Variants in ETFBKMT observed in about 807,000 individuals in gnomAD.
ETFBKMT encodes electron transfer flavoprotein subunit beta lysine methyltransferase.
ETFBKMT carries 13 observed loss-of-function variants against 18.3 expected under a neutral mutation model. The ratio of observed to expected loss-of-function variants is 0.71; its 90% CI spans 0.46 to 1.13. The LOEUF (loss-of-function observed/expected upper bound fraction) is 1.13, where lower values mean the gene tolerates loss of function less well. Among genes scored for constraint, ETFBKMT ranks in the 50% most tolerant of loss-of-function variants. The pLI, the probability that ETFBKMT is intolerant of heterozygous loss-of-function variation, is 0.00. For synonymous variants in ETFBKMT, 84 were observed against 107.9 expected (o/e 0.78, Z 1.37); for missense variants, 293 against 306.2 (o/e 0.96, Z 0.32).
At chr12:31,664,719 C>T (rs1361933206) in intron 2 of ETFBKMT, among the ~76,000 whole-genome samples, 1 of 149,344 alleles carries the variant, frequency 6.7e-6, no homozygotes, top group African/African-American at 2.5e-5. Flanking sequence ...CGGGTTCAAA[C>T]GATTCTCTGC....
At chr12:31,663,949 T>C (rs1951162544) in intron 2 of ETFBKMT, among the ~76,000 whole-genome samples, 1 of 152,004 alleles carries the variant, frequency 6.6e-6, no homozygotes, top group South Asian at 2.1e-4. Context: ...CTGCAACCCC[T>C]TTCCACTTAT....
intron 2 of ETFBKMT, among the ~76,000 whole-genome samples, chr12:31,664,066 G>T (rs1951163695): frequency 6.6e-6 from 1 of 150,376 alleles, no homozygotes. Context: ...CTTTGCTTTT[G>T]GTATTGCTTC....
Position 31,668,012 on chromosome 12 carries a change from A to G in ETFBKMT, c.*22A>G, listed in dbSNP as rs1951221047. The G allele has an allele frequency of 3.8e-6, 6 of 1,588,672 alleles. No individual in the cohort carries two copies. Among genetic ancestry groups the G allele is most frequent in the Non-Finnish European group, 5.2e-6 (6 of 1,161,302 alleles). ...TTGAGTTGTCAAAGTGCTTCCAAGTATGAATATAGTAATGTTTGGATCTGA... is the reference window on the plus strand; with the variant it reads ...TTGAGTTGTCAAAGTGCTTCCAAGTGTGAATATAGTAATGTTTGGATCTGA... On this transcript the variant is annotated 3_prime_UTR_variant, in exon 4 of 4. Transcript: ENST00000357721.
At chr12:31,658,068 T>A (rs1951077570), upstream of ETFBKMT, among the ~76,000 whole-genome samples, 1 of 152,164 alleles carries the variant, frequency 6.6e-6, no homozygotes, top group Non-Finnish European at 1.5e-5. Flanking sequence ...CCCTCTTTTG[T>A]AAAAATGTTA....
chr12:31,664,206 C>T (rs1951164706), intron 2 of ETFBKMT, among the ~76,000 whole-genome samples: 1 of 151,826 alleles, frequency 6.6e-6, no homozygotes, highest in African/African-American at 2.4e-5. Context: ...GTTATTTCAG[C>T]GTTTCTCCAT....
chr12:31,647,761 G>A (rs1950980948), intron 1 of ETFBKMT, among the ~76,000 whole-genome samples: 1 of 152,210 alleles, frequency 6.6e-6, no homozygotes, highest in Admixed American at 6.5e-5. Flanking sequence ...CCCGGGAGGC[G>A]AAGGTTGCAG....
At chr12:31,651,177 C>A (rs1185851899) in intron 1 of ETFBKMT, among the ~76,000 whole-genome samples, 1 of 152,116 alleles carries the variant, frequency 6.6e-6, no homozygotes. Context: ...TACAAGACTT[C>A]CTGGAACTGG....
Position 31,672,402 on chromosome 12 carries a change from TATTA to T in ETFBKMT, c.*4416_*4419del. The T allele has an allele frequency of 6.7e-7, 1 of 1,483,950 alleles. No homozygotes were observed. The highest frequency in any genetic ancestry group is 2.4e-5 in the East Asian group (1 of 41,034). The allele number at this position is 1,483,950 out of a possible 1,614,324, so 91.9% of individuals were successfully genotyped here. A position where few individuals can be genotyped will look rare whatever the true frequency, so the allele number is the denominator to read the frequency against. ...TCTATAAAAGAAAACAATGACAATATATTAATTGACAATAAAAAATGTTTAATGT... is the reference window on the plus strand; with the variant it reads ...TCTATAAAAGAAAACAATGACAATATATTGACAATAAAAAATGTTTAATGT... On this transcript the variant is annotated 3_prime_UTR_variant, in exon 4 of 4. Coordinates refer to ENST00000357721, the MANE Select transcript of ETFBKMT (RefSeq NM_001135863.2).
chr12:31,665,394 C>T (rs1475350141), intron 2 of ETFBKMT, among the ~76,000 whole-genome samples: 1 of 152,238 alleles, frequency 6.6e-6, no homozygotes, highest in Non-Finnish European at 1.5e-5. Context: ...TCACTCTAGT[C>T]AGACCAAACT....
intron 2 of ETFBKMT, 67 bp downstream of exon 2, chr12:31,662,334 A>G: frequency 6.8e-7 from 1 of 1,477,734 alleles, no homozygotes; most frequent in Non-Finnish European, 9.2e-7. Flanking sequence ...TCCAACCTCT[A>G]CAAAAAACCA....
In ETFBKMT at chr12:31,668,083, G is replaced by A; in HGVS notation, c.*93G>A. ...GGAGATACTCTCCAGTTTAATGAAT[G>A]TAATTCTTGTTAAATGGAAAATCTT... On this transcript the variant is annotated 3_prime_UTR_variant, in exon 4 of 4. Coordinates refer to ENST00000357721, the MANE Select transcript of ETFBKMT (RefSeq NM_001135863.2). 1 of 976,300 alleles carries A rather than the reference G, an allele frequency of 1.0e-6. No individual in the cohort carries two copies. Among genetic ancestry groups the A allele is most frequent in the Non-Finnish European group, 1.5e-6 (1 of 670,090 alleles). 60.5% of individuals were successfully genotyped at this position (976,300 alleles called of 1,614,324 possible).
chr12:31,654,799 T>C (rs985298394), upstream of ETFBKMT, among the ~76,000 whole-genome samples: 3 of 152,290 alleles, frequency 2.0e-5, no homozygotes, highest in African/African-American at 7.2e-5. Flanking sequence ...CTCATGCCTG[T>C]AAACCCAGCA....
intron 1 of ETFBKMT, among the ~76,000 whole-genome samples, chr12:31,660,344 CATTT>C (rs1490629817): frequency 6.6e-6 from 1 of 152,118 alleles, no homozygotes; most frequent in African/African-American, 2.4e-5. Flanking sequence ...CTGCATCACT[CATTT>C]ATGATGTCCA....
At chr12:31,648,360 GT>G (rs35137084) in intron 1 of ETFBKMT, among the ~76,000 whole-genome samples, 12,116 of 117,776 alleles carry the variant, frequency 0.1, 311 homozygotes, top group Admixed American at 0.15. Flanking sequence ...GATGTAAATA[GT>G]TTTTTTTTTT....
intron 2 of ETFBKMT, among the ~76,000 whole-genome samples, chr12:31,665,684 C>T (rs1951185239): frequency 6.6e-6 from 1 of 152,138 alleles, no homozygotes; most frequent in Admixed American, 6.5e-5. Flanking sequence ...TGTTTATTAA[C>T]AGCAAGCCAG....
chr12:31,668,048 T>A lies in ETFBKMT; in HGVS notation c.*58T>A. On this transcript the variant is annotated 3_prime_UTR_variant, in exon 4 of 4. Coordinates refer to ENST00000357721, the MANE Select transcript of ETFBKMT (RefSeq NM_001135863.2). ...AATGTTTGGATCTGACTCTAAAAGT[T>A]TTCTCTATAGGAGATACTCTCCAGT... 1 of 1,389,476 alleles carries A rather than the reference T, an allele frequency of 7.2e-7. No individual in the cohort carries two copies. The highest frequency in any genetic ancestry group is 9.9e-7 in the Non-Finnish European group (1 of 1,008,160). 86.1% of individuals were successfully genotyped at this position (1,389,476 alleles called of 1,614,324 possible).
upstream of ETFBKMT, among the ~76,000 whole-genome samples, chr12:31,656,620 C>A (rs558953568): frequency 2.0e-5 from 3 of 152,306 alleles, no homozygotes; most frequent in Non-Finnish European, 4.4e-5. Context: ...TACGGTTAAA[C>A]GAGTGTATTT....
intron 2 of ETFBKMT, among the ~76,000 whole-genome samples, chr12:31,663,655 A>G (rs1951158073): frequency 6.6e-6 from 1 of 152,270 alleles, no homozygotes; most frequent in East Asian, 1.9e-4. Flanking sequence ...GCAAGGCAGC[A>G]AACAGTTTGT....
At chr12:31,665,633 A>C (rs1299337241) in intron 2 of ETFBKMT, among the ~76,000 whole-genome samples, 1 of 152,224 alleles carries the variant, frequency 6.6e-6, no homozygotes, top group Non-Finnish European at 1.5e-5. Flanking sequence ...GGCGTCTCAC[A>C]GCCTTCAGAC....
Sources: allele counts gnomAD v4.1 joint callset (sites outside exome capture counted in the v4.1 genomes callset), GRCh38; gene constraint gnomAD v4.1.1; transcripts MANE v1.5; gene names NCBI Gene and HGNC (gene_info 2026-07-23, HGNC 2026-07-21).